INSC: variants seen among roughly 807,000 people sequenced by gnomAD.
INSC encodes the protein INSC spindle orientation adaptor protein.
In INSC, 67 loss-of-function variants were observed where a neutral mutation model predicts 58.6. The ratio of observed to expected loss-of-function variants is 1.14; its 90% CI spans 0.94 to 1.40. The LOEUF (loss-of-function observed/expected upper bound fraction) is 1.40, where lower values mean the gene tolerates loss of function less well. Ranked by LOEUF, INSC falls within the 40% of genes most tolerant of loss-of-function variation. INSC has a pLI of 0.00. For synonymous variants in INSC, 262 were observed against 276.1 expected (o/e 0.95, Z 0.51); for missense variants, 714 against 692.0 (o/e 1.03, Z -0.36).
chr11:15,229,999 A>ATATATATATAT (rs1851843239), intron 9 of INSC, among the ~76,000 whole-genome samples: 40 of 25,590 alleles, frequency 1.6e-3, no homozygotes, highest in African/African-American at 1.8e-3. Context: ...ATATATATAT[A>ATATATATATAT]TATATATATA....
the INSC span, among the ~76,000 whole-genome samples, chr11:15,253,728 T>C: frequency 9.2e-5 from 14 of 151,946 alleles, no homozygotes; most frequent in African/African-American, 3.1e-4. Context: ...GGATGAGATT[T>C]ACAGTTAAAG....
upstream of INSC, among the ~76,000 whole-genome samples, chr11:15,113,038 T>A (rs970802898): frequency 6.6e-6 from 1 of 152,048 alleles, no homozygotes; most frequent in Admixed American, 6.6e-5. Context: ...ATTGGAGACT[T>A]CTTTCCTTCC....
At chr11:15,221,244 G>A (rs1851426725) in intron 7 of INSC, among the ~76,000 whole-genome samples, 1 of 152,028 alleles carries the variant, frequency 6.6e-6, no homozygotes, top group Non-Finnish European at 1.5e-5. Context: ...GCCCATGAAA[G>A]GTTACTGATC....
the INSC span, among the ~76,000 whole-genome samples, chr11:15,256,807 T>C: frequency 6.6e-6 from 1 of 152,090 alleles, no homozygotes; most frequent in South Asian, 2.1e-4. Flanking sequence ...GGCTGCTCTC[T>C]GTGACTAGCC....
At chr11:15,266,085 C>A in the INSC span, among the ~76,000 whole-genome samples, 1 of 151,662 alleles carries the variant, frequency 6.6e-6, no homozygotes, top group African/African-American at 2.4e-5. Context: ...GATGATGAAG[C>A]AGAATATAGG....
At chr11:15,199,858 T>A (rs776033318) in intron 6 of INSC, among the ~76,000 whole-genome samples, 23 of 152,198 alleles carry the variant, frequency 1.5e-4, no homozygotes, top group African/African-American at 3.1e-4. Flanking sequence ...ATCCAATTCC[T>A]GCCACTCTAA....
upstream of INSC, chr11:15,112,632 GT>G: frequency 2.4e-6 from 1 of 425,166 alleles, no homozygotes; most frequent in East Asian, 6.7e-5. Context: ...GTGTGTGTGT[GT>G]GTGTATTGGG....
At chr11:15,177,905 G>A (rs1196294888) in intron 4 of INSC, among the ~76,000 whole-genome samples, 1 of 152,124 alleles carries the variant, frequency 6.6e-6, no homozygotes, top group African/African-American at 2.4e-5. Context: ...ATTTCTTAAA[G>A]GGCCACAGGC....
At chr11:15,140,035 T>C (rs139431039) in intron 1 of INSC, among the ~76,000 whole-genome samples, 2 of 152,296 alleles carry the variant, frequency 1.3e-5, no homozygotes, top group African/African-American at 4.8e-5. Context: ...AAGACAGCCA[T>C]GGCTTTCCTG....
chr11:15,155,944 C>T (rs1741750990), intron 2 of INSC, among the ~76,000 whole-genome samples: 2 of 152,074 alleles, frequency 1.3e-5, no homozygotes, highest in South Asian at 4.1e-4. Flanking sequence ...TCTTTGGCCT[C>T]TGAGGGGTCA....
chr11:15,229,948 TTATATATATATTTATATA>T (rs1851790976), intron 9 of INSC, among the ~76,000 whole-genome samples: 4 of 24,954 alleles, frequency 1.6e-4, no homozygotes, highest in Non-Finnish European at 2.3e-4. Context: ...ATATATAATA[TTATATATATATTTATATA>T]TATATATATA....
Position 15,246,214 on chromosome 11 carries a change from G to C in INSC, c.*174G>C, listed in dbSNP as rs1375629123. The C allele has an allele frequency of 3.5e-6, 2 of 572,680 alleles. No homozygotes were observed. The highest frequency in any genetic ancestry group is 5.8e-6 in the Non-Finnish European group (2 of 347,358). The allele number at this position is 572,680 out of a possible 1,614,324, so 35.5% of individuals were successfully genotyped here. ...AGAGCAACATCATCAAACAGTCTTT[G>C]GTCCTTGAGAATCTTCTTTGTGTTT... On this transcript the variant is annotated 3_prime_UTR_variant, in exon 13 of 13. Coordinates refer to ENST00000379556, the MANE Select transcript of INSC (RefSeq NM_001042536.3).
intron 1 of INSC, among the ~76,000 whole-genome samples, chr11:15,132,570 A>C (rs530385632): frequency 2.9e-4 from 44 of 152,318 alleles, no homozygotes; most frequent in African/African-American, 1.0e-3. Flanking sequence ...TACAGGCATG[A>C]GTCAACGTGC....
chr11:15,230,008 TA>T (rs1267555308), intron 9 of INSC, among the ~76,000 whole-genome samples: 2 of 26,578 alleles, frequency 7.5e-5, no homozygotes, highest in East Asian at 2.2e-3. Context: ...TATATATATA[TA>T]TATAATATAT....
intron 5 of INSC, among the ~76,000 whole-genome samples, chr11:15,183,419 A>G (rs1274460984): frequency 7.8e-6 from 1 of 127,392 alleles, no homozygotes; most frequent in African/African-American, 2.8e-5. Context: ...CAGCTTCTCA[A>G]TTCAGATATA....
At chr11:15,161,570 A>C (rs1012565539) in intron 2 of INSC, among the ~76,000 whole-genome samples, 5 of 152,302 alleles carry the variant, frequency 3.3e-5, no homozygotes, top group Non-Finnish European at 7.3e-5. Context: ...AAGGAGAAAA[A>C]AACCTTCTCA....
chr11:15,142,370 C>T (rs1422409423), intron 1 of INSC, among the ~76,000 whole-genome samples: 2 of 152,210 alleles, frequency 1.3e-5, no homozygotes, highest in East Asian at 3.9e-4. Context: ...CTAATCTCAC[C>T]ATGCTCATGA....
chr11:15,224,732 G>C (rs1851567634), intron 8 of INSC, among the ~76,000 whole-genome samples: 1 of 152,184 alleles, frequency 6.6e-6, no homozygotes, highest in Non-Finnish European at 1.5e-5. Context: ...TCCAGATTCT[G>C]TGGAGCCCAT....
intron 1 of INSC, among the ~76,000 whole-genome samples, chr11:15,127,867 C>T (rs560801043): frequency 1.1e-3 from 171 of 152,164 alleles, no homozygotes; most frequent in African/African-American, 4.0e-3. Context: ...TGGAGGTGTG[C>T]GCCTGTAATC....
Sources: allele counts gnomAD v4.1 joint callset (sites outside exome capture counted in the v4.1 genomes callset), GRCh38; gene constraint gnomAD v4.1.1; transcripts MANE v1.5; gene names NCBI Gene and HGNC (gene_info 2026-07-23, HGNC 2026-07-21).